Variants in TNKS observed in about 807,000 individuals in gnomAD.
TNKS encodes tankyrase, also known as poly [ADP-ribose] polymerase tankyrase-1.
TNKS carries 72 observed loss-of-function variants against 135.8 expected under a neutral mutation model. That is an observed-to-expected ratio of 0.53 (90% CI 0.44 to 0.64). The LOEUF is 0.64. Among genes scored for constraint, TNKS ranks in the 30% least tolerant of loss-of-function variants. TNKS has a pLI of 0.00. For missense variants in TNKS, 1,769 were observed against 1,674.0 expected, an observed-to-expected ratio of 1.06 and a Z score of -0.99; for synonymous variants, 849 against 649.3, an observed-to-expected ratio of 1.31 and a Z score of -4.68.
rs139735606 is a variant in TNKS, at chr8:9,746,173, A to G, written c.2644-1851A>G. ...CAGAAATGTGTCTGTAAGGGACACA[A>G]ATGTGCCAGTTGCACCAAATTATAG... On this transcript the variant is annotated intron_variant, in intron 17 of 26. Coordinates refer to ENST00000310430, the MANE Select transcript of TNKS (RefSeq NM_003747.3). Among the ~76,000 whole-genome samples, 98 of 152,364 alleles carry G rather than the reference A, an allele frequency of 6.4e-4. 1 individual carries two copies. The East Asian group carries it at 0.014, about 21-fold the overall frequency.
intron 20 of TNKS, among the ~76,000 whole-genome samples, chr8:9,756,875 G>A (rs1227623769): frequency 1.3e-5 from 2 of 151,808 alleles, no homozygotes; most frequent in Admixed American, 1.3e-4. Context: ...CCTTCATAAT[G>A]CCAACAGTCT....
Position 9,748,130 on chromosome 8 carries a change from A to G in TNKS, c.2750A>G (p.Gln917Arg). The G allele has an allele frequency of 1.9e-6, 3 of 1,614,214 alleles. No homozygotes were observed. The highest frequency in any genetic ancestry group is 2.2e-5 in the East Asian group (1 of 44,888). Residue 917 changes from glutamine to arginine, a missense_variant, in exon 18 of 27, where the codon CAG (glutamine) becomes CGG (arginine). Transcript: ENST00000310430. Reference sequence around the variant, plus strand: ...GAAGCAGCCCAGAAAGGAAGGACGCAGCTGTGCGCCCTCCTCCTAGCGCAT... The same window carrying G: ...GAAGCAGCCCAGAAAGGAAGGACGCGGCTGTGCGCCCTCCTCCTAGCGCAT... ...LHEAAQKGRTQLCALLLAHGA... is the reference protein window; with the variant it reads ...LHEAAQKGRTRLCALLLAHGA...
In TNKS at chr8:9,778,222, T is replaced by C. The variant is rs1337425157; in HGVS notation, c.*1486T>C. 6.6e-6 allele frequency: 1 copy of C among 152,544 alleles called. No individual in the cohort carries two copies. The allele number at this position is 152,544 out of a possible 1,614,324, so 9.4% of individuals were successfully genotyped here. ...AATATGAATTGAGTGCACTAACTTA[T>C]TTACTTGATATACTGTGCATCTACT... is the stretch of plus-strand genomic sequence containing the variant. On this transcript the variant is annotated 3_prime_UTR_variant, in exon 27 of 27. Coordinates refer to ENST00000310430, the MANE Select transcript of TNKS (RefSeq NM_003747.3).
Position 9,575,191 on chromosome 8 carries a change from A to G in TNKS, c.674-4968A>G, listed in dbSNP as rs1328939371. 1.1e-5 allele frequency: 7 copies of G among 611,986 alleles called. No individual in the cohort carries two copies. The African/African-American group carries it at 1.2e-4, about 11-fold the overall frequency. 37.9% of individuals were successfully genotyped at this position (611,986 alleles called of 1,614,324 possible). On this transcript the variant is annotated intron_variant, in intron 1 of 26. Transcript: ENST00000310430. ...AAGCTCCGCCTCCCGGGTTCACGCC[A>G]TTCTCCTGCCTCAGCCTCCGGAGTA... is the stretch of plus-strand genomic sequence containing the variant.
chr8:9,672,705 C>CAA (rs1802346869), intron 3 of TNKS, among the ~76,000 whole-genome samples: 2 of 112,172 alleles, frequency 1.8e-5, no homozygotes, highest in African/African-American at 6.7e-5. Context: ...CACACACACA[C>CAA]ACACACAAAA....
intron 11 of TNKS, among the ~76,000 whole-genome samples, chr8:9,713,879 A>T (rs567629426): frequency 7.0e-4 from 106 of 152,240 alleles, no homozygotes; most frequent in African/African-American, 2.5e-3. Flanking sequence ...TGAGGAACTC[A>T]TGGTTTCTGT....
At chr8:9,607,374 A>G (rs1428364695) in intron 2 of TNKS, among the ~76,000 whole-genome samples, 2 of 152,216 alleles carry the variant, frequency 1.3e-5, no homozygotes, top group Non-Finnish European at 2.9e-5. Flanking sequence ...ATCTACATTT[A>G]TAGTTAGAAA....
rs1797851512 is a variant in TNKS, at chr8:9,573,947, T to C, written c.674-6212T>C. Among the ~76,000 whole-genome samples, 3 of 152,188 alleles carry C rather than the reference T, an allele frequency of 2.0e-5. No homozygotes were observed. The South Asian group carries it at 6.2e-4, about 31-fold the overall frequency. On this transcript the variant is annotated intron_variant, in intron 1 of 26. Coordinates refer to ENST00000310430, the MANE Select transcript of TNKS (RefSeq NM_003747.3). Reference sequence around the variant, plus strand: ...CCATCGTTCCATGGAAGCTTTAATTTTAGGCGGGATTACAATGCTGAACAT... The same window carrying C: ...CCATCGTTCCATGGAAGCTTTAATTCTAGGCGGGATTACAATGCTGAACAT...
intron 3 of TNKS, among the ~76,000 whole-genome samples, chr8:9,657,993 A>T (rs1278507082): frequency 1.8e-5 from 1 of 54,630 alleles, no homozygotes; most frequent in Admixed American, 1.6e-4. Flanking sequence ...CGCTCCTCAC[A>T]TCCCAGATGG....
intron 2 of TNKS, among the ~76,000 whole-genome samples, chr8:9,597,829 G>A (rs1205447819): frequency 6.6e-6 from 1 of 152,142 alleles, no homozygotes; most frequent in South Asian, 2.1e-4. Flanking sequence ...GAAAAAGGTG[G>A]TCTTTTCCTC....
At chr8:9,625,801 A>G (rs1306610272) in intron 3 of TNKS, among the ~76,000 whole-genome samples, 2 of 152,176 alleles carry the variant, frequency 1.3e-5, no homozygotes, top group Non-Finnish European at 2.9e-5. Context: ...GGACAAAGGT[A>G]GGACAAAGTT....
At chr8:9,558,096 A>T (rs1430200149) in intron 1 of TNKS, 1 of 152,212 alleles carries the variant, frequency 6.6e-6, no homozygotes, top group African/African-American at 2.4e-5. Flanking sequence ...AATACATTTT[A>T]CATTGTCACA....
At chr8:9,630,645 G>A (rs1180522334) in intron 3 of TNKS, among the ~76,000 whole-genome samples, 2 of 152,126 alleles carry the variant, frequency 1.3e-5, no homozygotes, top group African/African-American at 4.8e-5. Context: ...CTATAATAGA[G>A]TATGCAATGT....
intron 11 of TNKS, among the ~76,000 whole-genome samples, chr8:9,715,528 C>T (rs976268530): frequency 2.0e-5 from 3 of 152,016 alleles, no homozygotes; most frequent in African/African-American, 7.2e-5. Flanking sequence ...CCTCTATCTC[C>T]TCCCAGTACC....
chr8:9,637,723 C>G (rs571986912), intron 3 of TNKS, among the ~76,000 whole-genome samples: 1 of 151,986 alleles, frequency 6.6e-6, no homozygotes, highest in African/African-American at 2.4e-5. Flanking sequence ...TGCTCATTTG[C>G]TTATACTCTT....
At chr8:9,669,430 A>C (rs913599534) in intron 3 of TNKS, among the ~76,000 whole-genome samples, 1 of 151,334 alleles carries the variant, frequency 6.6e-6, no homozygotes, top group Non-Finnish European at 1.5e-5. Context: ...GCCTCAAAAA[A>C]AAAAAAAAAA....
chr8:9,610,381 G>A, intron 2 of TNKS, among the ~76,000 whole-genome samples: 1 of 150,598 alleles, frequency 6.6e-6, no homozygotes, highest in East Asian at 1.9e-4. Context: ...TAATATAATG[G>A]CATAGTTTAT....
intron 3 of TNKS, among the ~76,000 whole-genome samples, chr8:9,660,503 T>G (rs1312897620): frequency 2.0e-5 from 3 of 152,158 alleles, no homozygotes; most frequent in African/African-American, 7.2e-5. Context: ...ATTATCTCAA[T>G]AGATGCAGAA....
intron 9 of TNKS, 144 bp from the exon 10 acceptor site, chr8:9,709,811 C>T (rs753293878): frequency 1.9e-5 from 12 of 644,054 alleles, no homozygotes; most frequent in Non-Finnish European, 3.2e-5. Flanking sequence ...GAATATGGAT[C>T]ATCTCTGTGA....
Sources: gnomAD v4.1 joint callset for allele counts (sites outside exome capture counted in the v4.1 genomes callset) on GRCh38, gnomAD v4.1.1 for gene constraint, MANE v1.5 for transcripts, NCBI Gene and HGNC (gene_info 2026-07-23, HGNC 2026-07-21) for gene names.